Variants in MCTP2 observed in about 807,000 individuals in gnomAD.
The protein encoded by MCTP2 is multiple C2 and transmembrane domain containing 2.
In MCTP2, 132 loss-of-function variants were observed where a neutral mutation model predicts 111.6. That is an observed-to-expected ratio of 1.18 (90% CI 1.03 to 1.37). The LOEUF (loss-of-function observed/expected upper bound fraction) is 1.37, where lower values mean the gene tolerates loss of function less well. MCTP2 is among the 40% of genes most tolerant of loss of function. The probability of loss-of-function intolerance (pLI) is 0.00; values close to 1 mark genes in which losing one functional copy is unlikely to be tolerated. For synonymous variants in MCTP2, 395 were observed against 387.7 expected (o/e 1.02, Z -0.22); for missense variants, 1,183 against 1,067.9 (o/e 1.11, Z -1.50).
At chr15:94,286,840 C>T (rs1018372901) in intron 1 of MCTP2, among the ~76,000 whole-genome samples, 11 of 152,100 alleles carry the variant, frequency 7.2e-5, no homozygotes, top group Non-Finnish European at 1.5e-4. Flanking sequence ...CTTGCTCTGC[C>T]GTTAGTGGTT....
intron 21 of MCTP2, among the ~76,000 whole-genome samples, chr15:94,474,084 C>G (rs2152543349): frequency 6.6e-6 from 1 of 152,240 alleles, no homozygotes; most frequent in Non-Finnish European, 1.5e-5. Flanking sequence ...TTTTATCCCA[C>G]TTGCTTTTTT....
chr15:94,273,371 A>G (rs1213628695), intron 1 of MCTP2: 3 of 152,264 alleles, frequency 2.0e-5, no homozygotes, highest in Non-Finnish European at 4.4e-5. Context: ...CAATTAGGCT[A>G]GAAGTCAGTT....
chr15:94,361,265 G>A (rs1236690319), intron 10 of MCTP2, among the ~76,000 whole-genome samples: 1 of 151,628 alleles, frequency 6.6e-6, no homozygotes, highest in Non-Finnish European at 1.5e-5. Context: ...CTTTGTTTTT[G>A]GATAAAACCT....
At chr15:94,247,394 A>G (rs935211747) in intron 1 of MCTP2, among the ~76,000 whole-genome samples, 12 of 152,140 alleles carry the variant, frequency 7.9e-5, no homozygotes, top group African/African-American at 2.9e-4. Context: ...GTTAATGGAA[A>G]GAGGGGACAG....
chr15:94,418,469 T>C (rs1457637443), intron 17 of MCTP2, among the ~76,000 whole-genome samples: 1 of 152,130 alleles, frequency 6.6e-6, no homozygotes, highest in East Asian at 1.9e-4. Context: ...TTTCAACTGC[T>C]CAATTACCAC....
At chr15:94,289,181 A>T (rs2074916618) in intron 1 of MCTP2, among the ~76,000 whole-genome samples, 1 of 152,124 alleles carries the variant, frequency 6.6e-6, no homozygotes, top group Non-Finnish European at 1.5e-5. Context: ...ATAAACACAC[A>T]CCCAGGCACA....
chr15:94,343,806 G>C (rs1294413515), intron 7 of MCTP2: 2 of 152,190 alleles, frequency 1.3e-5, no homozygotes, highest in African/African-American at 4.8e-5. Flanking sequence ...GGGTTGTGAA[G>C]ATTGAAATTA....
At chr15:94,462,794 G>A (rs1212794239) in intron 20 of MCTP2, among the ~76,000 whole-genome samples, 1 of 152,106 alleles carries the variant, frequency 6.6e-6, no homozygotes, top group Non-Finnish European at 1.5e-5. Flanking sequence ...TGTAGGATGG[G>A]AATAACAATA....
intron 14 of MCTP2, among the ~76,000 whole-genome samples, chr15:94,394,833 A>G (rs2081199386): frequency 6.6e-6 from 1 of 152,194 alleles, no homozygotes; most frequent in Non-Finnish European, 1.5e-5. Flanking sequence ...TAAATTGTAC[A>G]CAACTTTTGG....
intron 4 of MCTP2, among the ~76,000 whole-genome samples, chr15:94,319,862 T>C (rs1189426755): frequency 6.6e-6 from 1 of 152,232 alleles, no homozygotes; most frequent in Non-Finnish European, 1.5e-5. Flanking sequence ...GGCTTATCTA[T>C]GCATTTACAA....
intron 14 of MCTP2, among the ~76,000 whole-genome samples, chr15:94,390,718 T>G (rs1324938041): frequency 1.0e-4 from 15 of 148,940 alleles, no homozygotes; most frequent in Non-Finnish European, 2.2e-4. Flanking sequence ...GCAATTTCTT[T>G]TCTTTTCTTT....
At chr15:94,400,426 A>T (rs1484942608) in intron 16 of MCTP2, among the ~76,000 whole-genome samples, 1 of 152,086 alleles carries the variant, frequency 6.6e-6, no homozygotes, top group Non-Finnish European at 1.5e-5. Flanking sequence ...AGAGACTTCT[A>T]GCCTGGGTTT....
intron 21 of MCTP2, among the ~76,000 whole-genome samples, chr15:94,470,783 A>ACACCTACCTGCATC (rs1437568862): frequency 8.6e-6 from 1 of 115,938 alleles, no homozygotes; most frequent in Admixed American, 9.2e-5. Context: ...CAGTGAGCAA[A>ACACCTACCTGCATC]CACCTACCTG....
intron 21 of MCTP2, among the ~76,000 whole-genome samples, chr15:94,472,949 T>TA (rs2074049398): frequency 6.6e-6 from 1 of 152,238 alleles, no homozygotes; most frequent in Non-Finnish European, 1.5e-5. Context: ...CTTAAAGTTT[T>TA]AGTGGTTTTT....
At chr15:94,250,338 G>T (rs1050148897) in intron 1 of MCTP2, among the ~76,000 whole-genome samples, 1 of 152,288 alleles carries the variant, frequency 6.6e-6, no homozygotes, top group Non-Finnish European at 1.5e-5. Context: ...TAGTAACTCA[G>T]TTGTCACCTT....
chr15:94,405,021 C>T (rs190059005), intron 17 of MCTP2, among the ~76,000 whole-genome samples: 166 of 152,284 alleles, frequency 1.1e-3, no homozygotes, highest in African/African-American at 3.5e-3. Flanking sequence ...AGAACAGAGG[C>T]GCTGTCTGAA....
chr15:94,297,359 A>G (rs1452726824), intron 1 of MCTP2, among the ~76,000 whole-genome samples: 2 of 152,182 alleles, frequency 1.3e-5, no homozygotes, highest in African/African-American at 2.4e-5. Flanking sequence ...AGTGAGCCAC[A>G]CTTTCATTCA....
At chr15:94,410,582 C>A (rs797004559) in intron 17 of MCTP2, among the ~76,000 whole-genome samples, 3 of 152,106 alleles carry the variant, frequency 2.0e-5, no homozygotes, top group African/African-American at 7.2e-5. Context: ...ATTTCAATGA[C>A]TTAATACTTC....
At chr15:94,327,608 G>C (rs1217505440) in intron 4 of MCTP2, among the ~76,000 whole-genome samples, 1 of 152,344 alleles carries the variant, frequency 6.6e-6, no homozygotes, top group East Asian at 1.9e-4. Flanking sequence ...TTGTTCAAGA[G>C]CAAATGTGAA....
Sources: allele counts gnomAD v4.1 joint callset (sites outside exome capture counted in the v4.1 genomes callset), GRCh38; gene constraint gnomAD v4.1.1; transcripts MANE v1.5; gene names NCBI Gene and HGNC (gene_info 2026-07-23, HGNC 2026-07-21).